Variants in INSR observed in about 807,000 individuals in gnomAD.
The protein encoded by INSR is insulin receptor.
INSR carries 67 observed loss-of-function variants against 142.6 expected under a neutral mutation model. That is an observed-to-expected ratio of 0.47 (90% CI 0.39 to 0.58). INSR has a LOEUF of 0.58. Among genes scored for constraint, INSR ranks in the 20% least tolerant of loss-of-function variants. The probability of loss-of-function intolerance (pLI) is 0.00; values close to 1 mark genes in which losing one functional copy is unlikely to be tolerated. For synonymous variants in INSR, 756 were observed against 743.1 expected (o/e 1.02, Z -0.28); for missense variants, 1,248 against 1,833.2 (o/e 0.68, Z 5.83).
rs527258140 is a variant in INSR at position 7,211,348 on chromosome 19, C to T, written c.653-26711G>A. 7.9e-5 allele frequency among the ~76,000 whole-genome samples: 12 copies of T among 152,248 alleles called. No homozygotes were observed. In the East Asian group the frequency reaches 1.9e-3, roughly 24 times the overall value. ...TCTCTAAGCACCAAGATGACAGGTG[C>T]GAGGGAGGCACTGCGCTGTCTTATT... On this transcript the variant is annotated intron_variant, in intron 2 of 21. Coordinates refer to ENST00000302850, the MANE Select transcript of INSR (RefSeq NM_000208.4).
chr19:7,181,821 T>A (rs1213659929), intron 3 of INSR, among the ~76,000 whole-genome samples: 1 of 151,388 alleles, frequency 6.6e-6, no homozygotes, highest in African/African-American at 2.4e-5. Context: ...CCTCAGATGA[T>A]CCGTCCACTT....
chr19:7,147,070 A>G (rs1973202515), intron 11 of INSR, among the ~76,000 whole-genome samples: 1 of 152,190 alleles, frequency 6.6e-6, no homozygotes, highest in Non-Finnish European at 1.5e-5. Flanking sequence ...ACAATATTCT[A>G]CAAGTTAAGG....
At chr19:7,164,888 T>C (rs1973855939) in intron 8 of INSR, among the ~76,000 whole-genome samples, 1 of 148,860 alleles carries the variant, frequency 6.7e-6, no homozygotes, top group Admixed American at 6.7e-5. Context: ...TCCCAGCACT[T>C]TGGGAGGCCA....
rs9676400 is a variant in INSR at position 7,167,945 on chromosome 19, G to A, written c.1610+23C>T. Reference sequence around the variant, plus strand: ...GCCAGCCAGCCCTCGCCTCCTCAGCGTCTCTCTAACTCTTCTACTTACGCC... The same window carrying A: ...GCCAGCCAGCCCTCGCCTCCTCAGCATCTCTCTAACTCTTCTACTTACGCC... On this transcript the variant is annotated intron_variant, in intron 7 of 21. Transcript: ENST00000302850. The A allele has an allele frequency of 4.9e-3, 7,915 of 1,613,594 alleles. 309 individuals are homozygous for A. The African/African-American group carries it at 0.091, about 19-fold the overall frequency.
Position 7,117,059 on chromosome 19 carries a change from G to C in INSR, c.4146C>G (p.Ser1382=), listed in dbSNP as rs1457881963. Residue 1382 remains serine, a synonymous_variant, in exon 22 of 22, where the codon TCC becomes TCG. Transcript: ENST00000302850. ...RILTLPRSNP[S] Reference sequence around the variant, plus strand: ...GCCCCCGCCACGGTAGGCACTGTTAGGAAGGATTGGACCGAGGCAAGGTCA... The same window carrying C: ...GCCCCCGCCACGGTAGGCACTGTTACGAAGGATTGGACCGAGGCAAGGTCA... The C allele has an allele frequency of 6.2e-7, 1 of 1,613,660 alleles. No homozygotes were observed.
At position 7,119,006 on chromosome 19, in the gene INSR, C is replaced by T. The variant is rs954744850; in HGVS notation, c.3794+443G>A. Among the ~76,000 whole-genome samples the T allele has an allele frequency of 6.6e-6, 1 of 151,766 alleles. No individual in the cohort carries two copies. Among genetic ancestry groups the T allele is most frequent in the African/African-American group, 2.4e-5 (1 of 41,262 alleles). Reference sequence around the variant, plus strand: ...CAGTTCCCTTCTCCCAAGATAACTACCGCTATAGGTGTTTTGTGCAACCTT... The same window carrying T: ...CAGTTCCCTTCTCCCAAGATAACTATCGCTATAGGTGTTTTGTGCAACCTT... On this transcript the variant is annotated intron_variant, in intron 21 of 21. Coordinates refer to ENST00000302850, the MANE Select transcript of INSR (RefSeq NM_000208.4). This position sits in a 1 kb window ranked among gnomAD's most constrained non-coding sequence, Gnocchi z 5.2.
chr19:7,248,775 T>TTTTTTTTTTTTTTTG (rs1976612946), intron 2 of INSR, among the ~76,000 whole-genome samples: 1 of 114,194 alleles, frequency 8.8e-6, no homozygotes, highest in African/African-American at 3.1e-5. Flanking sequence ...TTTTTTTTTT[T>TTTTTTTTTTTTTTTG]GAGACGGAGT....
At chr19:7,163,749 G>A (rs896592965) in intron 8 of INSR, among the ~76,000 whole-genome samples, 5 of 151,412 alleles carry the variant, frequency 3.3e-5, no homozygotes, top group African/African-American at 1.2e-4. Flanking sequence ...TGAATGAGCG[G>A]GGATTAACTG....
intron 2 of INSR, among the ~76,000 whole-genome samples, chr19:7,221,406 A>AGGAGGAGGAGGAGGAGGAGGG (rs749970430): frequency 8.4e-6 from 1 of 118,516 alleles, no homozygotes; most frequent in Non-Finnish European, 1.8e-5. Flanking sequence ...GAGGAGGAGG[A>AGGAGGAGGAGGAGGAGGAGGG]AAGAAGAAGA....
At chr19:7,187,623 G>A (rs1274774776) in intron 2 of INSR, among the ~76,000 whole-genome samples, 2 of 151,916 alleles carry the variant, frequency 1.3e-5, no homozygotes, top group Non-Finnish European at 2.9e-5. Flanking sequence ...TAGGTTCTGG[G>A]GTACAGTGAC....
intron 2 of INSR, among the ~76,000 whole-genome samples, chr19:7,222,127 T>TTAA (rs1356174716): frequency 7.9e-6 from 1 of 126,320 alleles, no homozygotes; most frequent in African/African-American, 3.1e-5. Context: ...ATGTCCTCGG[T>TTAA]AAAAAAAAAA....
intron 2 of INSR, among the ~76,000 whole-genome samples, chr19:7,209,584 ATT>A (rs10714669): frequency 0.016 from 2,362 of 148,838 alleles, 43 homozygotes; most frequent in African/African-American, 0.04. Flanking sequence ...TGCCCAGCTA[ATT>A]TTTTTTTTTT....
In INSR at chr19:7,201,819, G is replaced by A. The variant is rs545358180; in HGVS notation, c.653-17182C>T. Among the ~76,000 whole-genome samples the A allele has an allele frequency of 2.6e-4, 36 of 139,056 alleles. No homozygotes were observed. In the East Asian group the frequency reaches 6.2e-3, roughly 24 times the overall value. 91.2% of individuals were successfully genotyped at this position (139,056 alleles called of 152,430 possible). On this transcript the variant is annotated intron_variant, in intron 2 of 21. Coordinates refer to ENST00000302850, the MANE Select transcript of INSR (RefSeq NM_000208.4). ...CTGGGACTACAGGCGCGGCCACCAC[G>A]CCTAGCTAATTTTTTGTATTTTTAG...
intron 1 of INSR, among the ~76,000 whole-genome samples, chr19:7,270,590 A>AAAT (rs1458553186): frequency 6.6e-6 from 1 of 151,940 alleles, no homozygotes. Context: ...CAACTCTAAA[A>AAAT]AATAATAATA....
intron 3 of INSR, among the ~76,000 whole-genome samples, 199 bp downstream of exon 3, chr19:7,184,117 T>C (rs1374801160): frequency 1.3e-5 from 2 of 149,444 alleles, no homozygotes; most frequent in Admixed American, 1.3e-4. Flanking sequence ...TATCTGGTCC[T>C]TTAGAGAAAA....
intron 2 of INSR, among the ~76,000 whole-genome samples, chr19:7,229,152 G>C (rs1007362385): frequency 2.0e-5 from 3 of 150,692 alleles, no homozygotes; most frequent in Admixed American, 1.3e-4. Context: ...CTGAATGAAT[G>C]GATGGGTGAG....
Position 7,119,607 on chromosome 19 carries a change from T to C in INSR, c.3660-24A>G. ...ACCTGCCGATGACAGTTGATAGTAG[T>C]AACAAAGAAGCCATTTAGACACACA... On this transcript the variant is annotated intron_variant, in intron 20 of 21. Transcript: ENST00000302850. This position sits in a 1 kb window ranked among gnomAD's most constrained non-coding sequence, Gnocchi z 5.2. The C allele has an allele frequency of 6.2e-7, 1 of 1,613,326 alleles. No homozygotes were observed.
intron 1 of INSR, among the ~76,000 whole-genome samples, chr19:7,274,690 C>A (rs1968013686): frequency 6.6e-6 from 1 of 150,984 alleles, no homozygotes; most frequent in African/African-American, 2.4e-5. Flanking sequence ...GTAGTCCCAG[C>A]TACACTCGGG....
At chr19:7,256,006 G>A (rs538684257) in intron 2 of INSR, among the ~76,000 whole-genome samples, 20 of 152,126 alleles carry the variant, frequency 1.3e-4, no homozygotes, top group African/African-American at 4.6e-4. Context: ...AAGAGGAGCC[G>A]GGAGCCCAGA....
Sources: allele counts gnomAD v4.1 joint callset (sites outside exome capture counted in the v4.1 genomes callset), GRCh38; gene constraint gnomAD v4.1.1; non-coding constraint Gnocchi (gnomAD v3.1); transcripts MANE v1.5; gene names NCBI Gene and HGNC (gene_info 2026-07-23, HGNC 2026-07-21).